The following GLP2R variants were observed in gnomAD, a reference collection of about 807,000 sequenced individuals.
GLP2R encodes glucagon like peptide 2 receptor.
In GLP2R, 59 loss-of-function variants were observed where a neutral mutation model predicts 68.2. That is an observed-to-expected ratio of 0.87 (90% confidence interval 0.70 to 1.07). The LOEUF (loss-of-function observed/expected upper bound fraction) is 1.07. Ranked by LOEUF, GLP2R falls within the 50% of genes least tolerant of loss-of-function variation. The pLI is 0.00. For synonymous variants in GLP2R, 270 were observed against 265.4 expected, an observed-to-expected ratio of 1.02 and a Z score of -0.17; for missense variants, 548 against 677.4, an observed-to-expected ratio of 0.81 and a Z score of 2.12.
chr17:9,852,667 T>C lies in GLP2R; in HGVS notation c.505-1828T>C, dbSNP rs1363459800. ...ATAAATAAAACCCAAACTTGGTTAT[T>C]TAATCTTGGTGTTGATGGTTTTGAG... is the stretch of plus-strand genomic sequence containing the variant. On this transcript the variant is annotated intron_variant, in intron 4 of 12. Coordinates refer to ENST00000262441, the MANE Select transcript of GLP2R (RefSeq NM_004246.3). 10 of 192,154 alleles carry C rather than the reference T, an allele frequency of 5.2e-5. No homozygotes were observed. In the East Asian group the frequency reaches 1.2e-3, roughly 23 times the overall value. The allele number at this position is 192,154 out of a possible 1,614,324, so 11.9% of individuals were successfully genotyped here. A position where few individuals can be genotyped will look rare whatever the true frequency, so the allele number is the denominator to read the frequency against.
chr17:9,883,075 C>A (rs1023662024), intron 11 of GLP2R, among the ~76,000 whole-genome samples: 1 of 149,458 alleles, frequency 6.7e-6, no homozygotes, highest in South Asian at 2.1e-4. Flanking sequence ...ACAAAGACTT[C>A]AAAGCTATTA....
chr17:9,870,877 G>GT (rs1244615759), intron 10 of GLP2R, 42 bp downstream of exon 10: 6 of 903,526 alleles, frequency 6.6e-6, no homozygotes, highest in Non-Finnish European at 1.1e-5. Context: ...CAAGGTTATT[G>GT]TAAGTACTCT....
intron 1 of GLP2R, 29 bp downstream of exon 1, chr17:9,826,281 A>G (rs1466975848): frequency 1.3e-6 from 2 of 1,485,464 alleles, no homozygotes; most frequent in Non-Finnish European, 1.8e-6. Context: ...TATTATTATT[A>G]TCAGTTGTAT....
At chr17:9,840,834 A>C (rs2066779634) in intron 3 of GLP2R, among the ~76,000 whole-genome samples, 2 of 152,138 alleles carry the variant, frequency 1.3e-5, no homozygotes, top group African/African-American at 4.8e-5. Context: ...CTATGCGGGG[A>C]CCATGCCTGG....
Position 9,889,660 on chromosome 17 carries a change from C to T in GLP2R, c.1617C>T (p.Thr539=), listed in dbSNP as rs372161070. 1.2e-4 allele frequency: 195 copies of T among 1,605,202 alleles called. No homozygotes were observed. The Middle Eastern group carries it at 3.2e-3, about 27-fold the overall frequency. Residue 539 remains threonine (T), a synonymous_variant, in exon 13 of 13, where the codon ACC becomes ACT. Transcript: ENST00000262441. ...CCGAGTGCAGTGAGGGGGATGTCACCATGGCCAACACCATGGAGGAGATTC... is the reference window on the plus strand; with the variant it reads ...CCGAGTGCAGTGAGGGGGATGTCACTATGGCCAACACCATGGAGGAGATTC... ...SLSECSEGDV[T]MANTMEEILE... is the part of the protein sequence containing the mutation.
intron 4 of GLP2R, among the ~76,000 whole-genome samples, chr17:9,850,282 T>A (rs1443104520): frequency 6.6e-6 from 1 of 152,216 alleles, no homozygotes; most frequent in South Asian, 2.1e-4. Flanking sequence ...TAGAGGACAG[T>A]TGAACAAAAT....
chr17:9,865,869 T>C (rs866993840), intron 9 of GLP2R: 2 of 471,150 alleles, frequency 4.2e-6, no homozygotes, highest in South Asian at 3.1e-5. Context: ...TGAAGAGAAA[T>C]GGGAGCATTC....
chr17:9,846,710 G>A (rs1035324459), intron 4 of GLP2R, among the ~76,000 whole-genome samples: 4 of 152,110 alleles, frequency 2.6e-5, no homozygotes, highest in African/African-American at 9.7e-5. Context: ...TAACTTTGGT[G>A]TATGTTTGAA....
At chr17:9,881,420 G>A (rs897691582) in intron 11 of GLP2R, among the ~76,000 whole-genome samples, 8 of 127,412 alleles carry the variant, frequency 6.3e-5, no homozygotes, top group East Asian at 2.2e-4. Flanking sequence ...TCGCTCTGTC[G>A]CCCAGGCTGG....
intron 4 of GLP2R, among the ~76,000 whole-genome samples, chr17:9,843,356 T>C (rs541359318): frequency 2.8e-4 from 42 of 152,350 alleles, no homozygotes; most frequent in Admixed American, 5.9e-4. Context: ...TGGTGCAAGT[T>C]ACCTCATCTT....
chr17:9,827,299 G>C (rs796227108), intron 1 of GLP2R, among the ~76,000 whole-genome samples: 1 of 152,148 alleles, frequency 6.6e-6, no homozygotes, highest in Non-Finnish European at 1.5e-5. Context: ...TCTGCACTGG[G>C]TTGAGTGCCA....
intron 9 of GLP2R, among the ~76,000 whole-genome samples, chr17:9,862,459 G>A (rs1323935073): frequency 6.6e-6 from 1 of 152,144 alleles, no homozygotes; most frequent in African/African-American, 2.4e-5. Flanking sequence ...ATCCACAGGA[G>A]GGAGGAAGAG....
intron 4 of GLP2R, among the ~76,000 whole-genome samples, chr17:9,851,511 A>C (rs540923483): frequency 6.6e-6 from 1 of 152,306 alleles, no homozygotes; most frequent in African/African-American, 2.4e-5. Context: ...TTAGAGGGAA[A>C]GACTTAGTTT....
chr17:9,826,455 T>G (rs937992201), intron 1 of GLP2R, among the ~76,000 whole-genome samples: 2 of 151,140 alleles, frequency 1.3e-5, no homozygotes, highest in Non-Finnish European at 3.0e-5. Context: ...TATGCATTTG[T>G]TTTTTTTTAC....
At chr17:9,839,435 T>A (rs1270560689) in intron 3 of GLP2R, among the ~76,000 whole-genome samples, 2 of 151,840 alleles carry the variant, frequency 1.3e-5, no homozygotes, top group East Asian at 3.9e-4. Context: ...CTCTTCCCCA[T>A]CTAAGGAATG....
In GLP2R at chr17:9,889,849, G is replaced by A. The variant is rs1001450069; in HGVS notation, c.*144G>A. The stretch of plus-strand genomic sequence containing the variant: ...CACTTTGATATGAAAGCTATCACAA[G>A]GTTCTTCAAGCTCTGTATGAAAGAG... On this transcript the variant is annotated 3_prime_UTR_variant, in exon 13 of 13. Coordinates refer to ENST00000262441, the MANE Select transcript of GLP2R (RefSeq NM_004246.3). 1 of 628,048 alleles carries A rather than the reference G, an allele frequency of 1.6e-6. No homozygotes were observed. The highest frequency in any genetic ancestry group is 2.8e-6 in the Non-Finnish European group (1 of 357,020). 38.9% of individuals were successfully genotyped at this position (628,048 alleles called of 1,614,324 possible).
In GLP2R at chr17:9,830,236, C is replaced by T. The variant is rs142545245; in HGVS notation, c.190-3571C>T. On this transcript the variant is annotated intron_variant, in intron 1 of 12. Transcript: ENST00000262441. ...TGGCAAAGAATGGAGGATAGGGGAACATTACTCCAGAGGCTGATTTTATTG... is the reference window on the plus strand; with the variant it reads ...TGGCAAAGAATGGAGGATAGGGGAATATTACTCCAGAGGCTGATTTTATTG... Among the ~76,000 whole-genome samples, 534 of 152,342 alleles carry T rather than the reference C, an allele frequency of 3.5e-3. 2 individuals carry two copies. Among genetic ancestry groups the T allele is most frequent in the African/African-American group, 0.012 (499 of 41,560 alleles).
At chr17:9,853,280 C>A in intron 4 of GLP2R, 1 of 275,280 alleles carries the variant, frequency 3.6e-6, no homozygotes, top group Non-Finnish European at 7.1e-6. Flanking sequence ...CCTCCGGGGG[C>A]TCATGTCCAT....
In GLP2R at chr17:9,862,101, T is replaced by C. The variant is rs2066992617; in HGVS notation, c.1056+11T>C. On this transcript the variant is annotated intron_variant, in intron 9 of 12. Transcript: ENST00000262441. The stretch of plus-strand genomic sequence containing the variant: ...ATGCTCTGTGTAACAGTAAGGACCA[T>C]CCCATCCACCTCTTTGTCTCGGAGC... 4.4e-6 allele frequency: 7 copies of C among 1,598,142 alleles called. No individual in the cohort carries two copies. The highest frequency in any genetic ancestry group is 5.1e-6 in the Non-Finnish European group (6 of 1,165,734).
Sources: gnomAD v4.1 joint callset for allele counts (sites outside exome capture counted in the v4.1 genomes callset) on GRCh38, gnomAD v4.1.1 for gene constraint, MANE v1.5 for transcripts, NCBI Gene and HGNC (gene_info 2026-07-23, HGNC 2026-07-21) for gene names.